Variants in DUSP15 observed in about 807,000 individuals in gnomAD.
The protein encoded by DUSP15 is dual specificity phosphatase 15, also known as dual specificity protein phosphatase 15.
In DUSP15, 23 loss-of-function variants were observed where a neutral mutation model predicts 26.3. The observed-to-expected ratio is 0.87, with a 90% CI of 0.63 to 1.24. The LOEUF (loss-of-function observed/expected upper bound fraction) is 1.24. Ranked by LOEUF, DUSP15 falls within the 50% of genes most tolerant of loss-of-function variation. The probability of loss-of-function intolerance (pLI) is 0.00; values close to 1 mark genes in which losing one functional copy is unlikely to be tolerated. For synonymous variants in DUSP15, 143 were observed against 135.5 expected (o/e 1.06, Z -0.39); for missense variants, 364 against 320.6 (o/e 1.14, Z -1.03).
At chr20:31,846,466 GAGAGAGA>G (rs1568647237), downstream of DUSP15, among the ~76,000 whole-genome samples, 1 of 150,246 alleles carries the variant, frequency 6.7e-6, no homozygotes, top group African/African-American at 2.5e-5. Context: ...GAGAGAGAGA[GAGAGAGA>G]GAGGAGAGAG....
rs747571045 is a variant in DUSP15, at chr20:31,861,471, G to T, written c.640C>A (p.Leu214Met). The T allele has an allele frequency of 3.2e-6, 5 of 1,547,326 alleles. No homozygotes were observed. The highest frequency in any genetic ancestry group is 4.3e-6 in the Non-Finnish European group (5 of 1,157,318). The change falls in exon 7 of 7, where the codon CTG becomes ATG. Residue 214 changes from leucine to methionine, a missense_variant. By Grantham distance (15) the Leu-to-Met change is conservative. Transcript: ENST00000339738. ...AAAGTCTGCTTGACGCGCGCCAGCA[G>T]CGGCAGCGGCCGGTGGGCTTCCCGG... Reference protein sequence around the residue: ...TPREAHRPLPLLARVKQTFSC... With the variant: ...TPREAHRPLPMLARVKQTFSC...
chr20:31,867,208 A>G (rs2062787600), intron 2 of DUSP15, 55 bp from the exon 3 acceptor site: 1 of 1,503,700 alleles, frequency 6.7e-7, no homozygotes, highest in Non-Finnish European at 9.1e-7. Context: ...CCTGATGGCC[A>G]AGTGCGGAGG....
chr20:31,860,651 C>T (rs571866702), downstream of DUSP15, among the ~76,000 whole-genome samples: 76 of 152,352 alleles, frequency 5.0e-4, no homozygotes, highest in African/African-American at 1.8e-3. Context: ...TGTTTCCTCC[C>T]TGAGGATTAA....
In DUSP15 at chr20:31,861,403, T is replaced by C. The variant is rs1443281684; in HGVS notation, c.708A>G (p.Ter236TrpextTer?). The C allele has an allele frequency of 6.4e-7, 1 of 1,552,816 alleles. No individual in the cohort carries two copies. Among genetic ancestry groups the C allele is most frequent in the Non-Finnish European group, 8.6e-7 (1 of 1,159,748 alleles). Reference protein sequence around the residue: ...PRCLSRKGGK* With the variant: ...PRCLSRKGGKW ...GGGGAGCCACGGCTGGACTGCATCCTCACTTGCCGCCCTTGCGGGACAGAC... is the reference window on the plus strand; with the variant it reads ...GGGGAGCCACGGCTGGACTGCATCCCCACTTGCCGCCCTTGCGGGACAGAC... Residue 236 changes from the stop codon to tryptophan, a stop_lost, in exon 7 of 7, where the codon TGA becomes TGG. Coordinates refer to ENST00000339738, the MANE Select transcript of DUSP15 (RefSeq NM_080611.5).
intron 6 of DUSP15, among the ~76,000 whole-genome samples, chr20:31,851,466 G>A (rs1467048645): frequency 6.6e-6 from 1 of 152,114 alleles, no homozygotes; most frequent in Non-Finnish European, 1.5e-5. Context: ...ACCCAAGGAG[G>A]ACAAAGGAAT....
downstream of DUSP15, among the ~76,000 whole-genome samples, chr20:31,856,368 G>A (rs1170295841): frequency 6.6e-6 from 1 of 152,100 alleles, no homozygotes; most frequent in Non-Finnish European, 1.5e-5. Flanking sequence ...GGGGAGCTAT[G>A]GAATGATTCT....
chr20:31,848,207 C>T (rs1400448501), exon 10 of DUSP15: 7 of 537,048 alleles, frequency 1.3e-5, no homozygotes, highest in South Asian at 5.6e-5. Flanking sequence ...AGTTTCCTGC[C>T]GAAGCCCCAT....
upstream of DUSP15, chr20:31,870,590 G>T (rs2062904097): frequency 2.8e-6 from 4 of 1,414,434 alleles, no homozygotes; most frequent in Admixed American, 2.9e-5. The surrounding 1 kb of genome is among the most constrained non-coding windows in gnomAD (Gnocchi z 6.6). Flanking sequence ...TCGGTCATGT[G>T]GGGCCCCCGC....
chr20:31,850,476 A>T (rs2062451058), intron 7 of DUSP15: 1 of 881,328 alleles, frequency 1.1e-6, no homozygotes, highest in Non-Finnish European at 1.8e-6. Context: ...GCCCTCAGGA[A>T]ATGTTGACTG....
chr20:31,850,594 G>A (rs766563611), intron 7 of DUSP15: 4 of 1,606,622 alleles, frequency 2.5e-6, no homozygotes, highest in East Asian at 2.2e-5. Context: ...CGGAGGGGAG[G>A]GGATTTCGAT....
At chr20:31,849,549 A>G (rs1218550594) in intron 8 of DUSP15, 2 of 972,442 alleles carry the variant, frequency 2.1e-6, no homozygotes, top group Admixed American at 3.4e-5. Flanking sequence ...GCCTGGAGGA[A>G]GCCGCGTGTG....
At chr20:31,865,250 C>T (rs917264002) in intron 3 of DUSP15, among the ~76,000 whole-genome samples, 13 of 152,294 alleles carry the variant, frequency 8.5e-5, no homozygotes, top group African/African-American at 3.1e-4. Flanking sequence ...ATGACGTCAC[C>T]TATCCCTCCC....
intron 6 of DUSP15, 35 bp from the exon 7 acceptor site, chr20:31,861,710 C>T: frequency 8.5e-7 from 1 of 1,171,718 alleles, no homozygotes; most frequent in Non-Finnish European, 1.1e-6. Context: ...GGGGTCAAGG[C>T]CGGCGCGGGG....
chr20:31,850,392 G>A lies in DUSP15; in HGVS notation c.491+220C>T, dbSNP rs143941122. 1.4e-3 allele frequency among the ~76,000 whole-genome samples: 210 copies of A among 152,252 alleles called. 3 individuals are homozygous for A. The highest frequency in any genetic ancestry group is 4.7e-3 in the African/African-American group (195 of 41,548). On this transcript the variant is annotated intron_variant, in intron 7 of 9. Coordinates refer to the DUSP15 transcript ENST00000278979. ...TCTTAACCTCTGTGTCCTGGTTTGG[G>A]CATATGTAAAATGGGAATAATAGCA...
chr20:31,846,522 GC>G (rs2062380739), downstream of DUSP15, among the ~76,000 whole-genome samples: 2 of 151,008 alleles, frequency 1.3e-5, no homozygotes, highest in Non-Finnish European at 3.0e-5. Flanking sequence ...AGTGAGAGAA[GC>G]CCCAGGGGCT....
intron 6 of DUSP15, among the ~76,000 whole-genome samples, chr20:31,852,797 G>A (rs113099796): frequency 2.6e-5 from 4 of 152,288 alleles, no homozygotes; most frequent in South Asian, 2.1e-4. Flanking sequence ...GGTGACAAGA[G>A]CGAAACTCCG....
chr20:31,864,479 C>G (rs145781316), intron 4 of DUSP15: 1 of 1,053,036 alleles, frequency 9.5e-7, no homozygotes, highest in Non-Finnish European at 1.1e-6. Flanking sequence ...CAGTTATACT[C>G]CAGGCCCTAT....
rs975557800 is a variant in DUSP15 at position 31,867,143 on chromosome 20, G to A, written c.66C>T (p.Asp22=). ...LYLGNFIDAK[D]LDQLGRNKIT... ...TCTTATTTCGGCCCAGCTGATCCAG[G>A]TCTTTGGCATCTGAAAGAAACAGGA... Residue 22 remains aspartate (D), a synonymous_variant, in exon 3 of 7, where the codon GAC becomes GAT. Coordinates refer to ENST00000339738, the MANE Select transcript of DUSP15 (RefSeq NM_080611.5). 1 of 1,587,200 alleles carries A rather than the reference G, an allele frequency of 6.3e-7. No homozygotes were observed. The highest frequency in any genetic ancestry group is 8.6e-7 in the Non-Finnish European group (1 of 1,165,894).
At chr20:31,858,111 G>A (rs1410809853), downstream of DUSP15, among the ~76,000 whole-genome samples, 1 of 152,212 alleles carries the variant, frequency 6.6e-6, no homozygotes, top group Admixed American at 6.5e-5. This position sits in a 1 kb window ranked among gnomAD's most constrained non-coding sequence, Gnocchi z 4.4. Context: ...AGCCTGCCCA[G>A]TGCTGAGCGT....
Sources: gnomAD v4.1 joint callset for allele counts (sites outside exome capture counted in the v4.1 genomes callset) on GRCh38, gnomAD v4.1.1 for gene constraint, Gnocchi (gnomAD v3.1) non-coding constraint, MANE v1.5 for transcripts, NCBI Gene and HGNC (gene_info 2026-07-23, HGNC 2026-07-21) for gene names.